The following NHERF2 variants were observed in gnomAD, a reference collection of about 807,000 sequenced individuals.
NHERF2 encodes Na(+)/H(+) exchange regulatory cofactor NHE-RF2.
chr16:2,026,921 AGCCACCGCCGGGTGCCCAGC>A, the NHERF2 span: 1 of 433,838 alleles, frequency 2.3e-6, no homozygotes, highest in African/African-American at 2.2e-5. Flanking sequence ...CCGCCGCTGA[AGCCACCGCCGGGTGCCCAGC>A]GCCGCCGCCG....
At chr16:2,036,263 G>C in the NHERF2 span, 7 of 1,498,270 alleles carry the variant, frequency 4.7e-6, no homozygotes, top group Admixed American at 7.8e-5. Flanking sequence ...CACCACCGGG[G>C]AGTGGCCTCT....
the NHERF2 span, among the ~76,000 whole-genome samples, chr16:2,034,148 C>T: frequency 1.5e-4 from 23 of 152,084 alleles, no homozygotes; most frequent in African/African-American, 4.3e-4. Flanking sequence ...GAAGGGCTGC[C>T]GGGCCAGCAC....
At chr16:2,029,700 G>A in the NHERF2 span, 1 of 1,558,640 alleles carries the variant, frequency 6.4e-7, no homozygotes, top group Non-Finnish European at 8.7e-7. Context: ...GCCCAGCGAG[G>A]GCTCCCACCC....
At chr16:2,038,305 C>T in the NHERF2 span, 4 of 539,004 alleles carry the variant, frequency 7.4e-6, no homozygotes, top group Admixed American at 9.0e-5. Context: ...GCCTTTGCTG[C>T]TCTGCCGGGG....
chr16:2,037,837 C>G, the NHERF2 span: 1 of 1,591,280 alleles, frequency 6.3e-7, no homozygotes, highest in Non-Finnish European at 8.5e-7. Flanking sequence ...ATGGCAGTGC[C>G]TGGAAGCAAG....
chr16:2,033,143 TG>T, the NHERF2 span: 2 of 1,412,148 alleles, frequency 1.4e-6, no homozygotes, highest in South Asian at 1.5e-5. Context: ...CCTAGCTGGG[TG>T]GGGGGCGCCA....
the NHERF2 span, among the ~76,000 whole-genome samples, chr16:2,028,013 C>G: frequency 6.6e-6 from 1 of 152,208 alleles, no homozygotes; most frequent in South Asian, 2.1e-4. Flanking sequence ...GAGAACAGAG[C>G]CTTTTCTCTG....
At chr16:2,035,454 G>A in the NHERF2 span, 2 of 985,862 alleles carry the variant, frequency 2.0e-6, no homozygotes, top group South Asian at 4.7e-5. Context: ...TGAGGGAAGG[G>A]CCCTGGCAGC....
At chr16:2,035,250 C>T in the NHERF2 span, 10 of 258,582 alleles carry the variant, frequency 3.9e-5, no homozygotes, top group Non-Finnish European at 4.8e-5. Context: ...GCGGGGCGGT[C>T]CCCCCCGCTG....
chr16:2,027,829 G>A, the NHERF2 span, among the ~76,000 whole-genome samples: 2 of 152,214 alleles, frequency 1.3e-5, no homozygotes, highest in East Asian at 3.8e-4. Flanking sequence ...CTGTCTGCAG[G>A]CCGGTGAGTC....
chr16:2,038,386 A>G, the NHERF2 span: 1 of 436,078 alleles, frequency 2.3e-6, no homozygotes. Context: ...ACATGTTTCC[A>G]CTTAATACCA....
chr16:2,033,309 C>T, the NHERF2 span: 2 of 1,532,850 alleles, frequency 1.3e-6, no homozygotes, highest in Admixed American at 2.0e-5. Context: ...GTTCAGGCCA[C>T]CCCGGCCGGA....
At chr16:2,035,590 A>ACCG in the NHERF2 span, 24 of 986,840 alleles carry the variant, frequency 2.4e-5, no homozygotes, top group African/African-American at 1.2e-4. Flanking sequence ...GCCGCTGGCC[A>ACCG]CCGCCGCCGC....
the NHERF2 span, chr16:2,033,252 G>A: frequency 2.0e-4 from 311 of 1,522,448 alleles, 2 homozygotes; most frequent in African/African-American, 2.5e-3. Flanking sequence ...AGCCAGGGCC[G>A]CAGAGGGAGG....
chr16:2,035,369 C>G, the NHERF2 span: 1 of 949,396 alleles, frequency 1.1e-6, no homozygotes, highest in Non-Finnish European at 1.2e-6. Context: ...GGTCTGAGCG[C>G]CCCCTTGCCA....
the NHERF2 span, among the ~76,000 whole-genome samples, chr16:2,032,547 C>T: frequency 3.3e-5 from 5 of 152,332 alleles, no homozygotes; most frequent in African/African-American, 1.2e-4. This position sits in a 1 kb window ranked among gnomAD's most constrained non-coding sequence, Gnocchi z 4.0. Flanking sequence ...TGTAGTTTGT[C>T]TTTGGTGAAG....
chr16:2,027,429 G>T, the NHERF2 span, among the ~76,000 whole-genome samples: 1 of 152,198 alleles, frequency 6.6e-6, no homozygotes, highest in Non-Finnish European at 1.5e-5. Flanking sequence ...GGAGGGGCCC[G>T]CACTGCGGCT....
chr16:2,027,177 G>A, the NHERF2 span: 1 of 1,460,242 alleles, frequency 6.8e-7, no homozygotes. Context: ...CCGCCTGGTC[G>A]AGGTCAACGG....
At chr16:2,036,954 G>C in the NHERF2 span, 1 of 1,559,214 alleles carries the variant, frequency 6.4e-7, no homozygotes, top group Non-Finnish European at 8.7e-7. Flanking sequence ...TGTCCCCACA[G>C]GTCCTCTGCC....
Sources: allele counts gnomAD v4.1 joint callset (sites outside exome capture counted in the v4.1 genomes callset), GRCh38; gene constraint gnomAD v4.1.1; non-coding constraint Gnocchi (gnomAD v3.1); transcripts MANE v1.5; gene names NCBI Gene and HGNC (gene_info 2026-07-23, HGNC 2026-07-21).